The following EPHA3 variants were observed in gnomAD, a reference collection of about 807,000 sequenced individuals.
EPHA3 encodes the protein ephrin type-A receptor 3.
In EPHA3, 42 loss-of-function variants were observed where a neutral mutation model predicts 107.1. The ratio of observed to expected loss-of-function variants is 0.39; its 90% CI spans 0.31 to 0.51. The LOEUF is 0.51. Ranked by LOEUF, EPHA3 falls within the 20% of genes least tolerant of loss-of-function variation. The probability of loss-of-function intolerance (pLI) is 0.78; values close to 1 mark genes in which losing one functional copy is unlikely to be tolerated. For synonymous variants in EPHA3, 461 were observed against 424.8 expected (o/e 1.09, Z -1.05); for missense variants, 1,183 against 1,211.2 (o/e 0.98, Z 0.35).
chr3:89,260,759 A>T (rs1389644349), intron 3 of EPHA3, among the ~76,000 whole-genome samples: 1 of 152,204 alleles, frequency 6.6e-6, no homozygotes, highest in Non-Finnish European at 1.5e-5. Context: ...CTATTGACAG[A>T]ACATAATATT....
At chr3:89,362,189 A>G (rs1215054629) in intron 5 of EPHA3, among the ~76,000 whole-genome samples, 1 of 151,136 alleles carries the variant, frequency 6.6e-6, no homozygotes, top group Non-Finnish European at 1.5e-5. Context: ...ATTAATCCAG[A>G]AGATCTTCAT....
intron 5 of EPHA3, among the ~76,000 whole-genome samples, chr3:89,357,954 T>C (rs1446477548): frequency 6.6e-6 from 1 of 151,294 alleles, no homozygotes; most frequent in African/African-American, 2.4e-5. Context: ...ATGTCCTTAT[T>C]AAAATCCTAA....
intron 5 of EPHA3, among the ~76,000 whole-genome samples, chr3:89,353,245 A>G (rs1483619565): frequency 6.6e-6 from 1 of 151,358 alleles, no homozygotes; most frequent in Non-Finnish European, 1.5e-5. Context: ...CTTGGAAGTA[A>G]ATTAAACACC....
chr3:89,118,870 T>C (rs1372425438), intron 1 of EPHA3, among the ~76,000 whole-genome samples: 1 of 151,992 alleles, frequency 6.6e-6, no homozygotes, highest in Admixed American at 6.5e-5. Context: ...AAAATTGTTA[T>C]AACATAGATA....
chr3:89,238,004 T>C (rs1334591761), intron 3 of EPHA3, among the ~76,000 whole-genome samples: 1 of 150,092 alleles, frequency 6.7e-6, no homozygotes, highest in African/African-American at 2.4e-5. Context: ...AAAGAGGATA[T>C]GACTTTTACA....
At chr3:89,339,249 T>C (rs1707461351) in intron 3 of EPHA3, among the ~76,000 whole-genome samples, 1 of 151,700 alleles carries the variant, frequency 6.6e-6, no homozygotes, top group East Asian at 2.0e-4. Flanking sequence ...CGCACGCCTG[T>C]AATCCCAGCT....
chr3:89,225,963 A>G (rs116768361), intron 3 of EPHA3, among the ~76,000 whole-genome samples: 202 of 152,292 alleles, frequency 1.3e-3, no homozygotes, highest in African/African-American at 4.6e-3. Context: ...ACAGGACTGC[A>G]AAGTACATAA....
chr3:89,377,557 T>G (rs536311258), intron 5 of EPHA3, among the ~76,000 whole-genome samples: 1 of 152,266 alleles, frequency 6.6e-6, no homozygotes, highest in South Asian at 2.1e-4. Context: ...CACTCTAGAA[T>G]GTAAAGGGTA....
chr3:89,393,023 A>C (rs1467788908), intron 5 of EPHA3, among the ~76,000 whole-genome samples: 9 of 152,200 alleles, frequency 5.9e-5, no homozygotes, highest in South Asian at 2.1e-4. Flanking sequence ...ATTCCTATTA[A>C]TTATTTATTA....
chr3:89,427,495 T>C (rs1709483080), intron 11 of EPHA3, among the ~76,000 whole-genome samples: 1 of 151,930 alleles, frequency 6.6e-6, no homozygotes, highest in South Asian at 2.1e-4. Context: ...GTTATTTGCT[T>C]ATGAGTTTTC....
In EPHA3 at chr3:89,184,110, G is replaced by A. The variant is rs935268052; in HGVS notation, c.154-25750G>A. On this transcript the variant is annotated intron_variant, in intron 2 of 16. Coordinates refer to ENST00000336596, the MANE Select transcript of EPHA3 (RefSeq NM_005233.6). Reference sequence around the variant, plus strand: ...TGTTGGTATTCTTCAAATGTTTCAGGGACCAAATAGTTATAGAGATCACTG... The same window carrying A: ...TGTTGGTATTCTTCAAATGTTTCAGAGACCAAATAGTTATAGAGATCACTG... Among the ~76,000 whole-genome samples, 10 of 151,834 alleles carry A rather than the reference G, an allele frequency of 6.6e-5. No homozygotes were observed. In the South Asian group the frequency reaches 8.3e-4, roughly 13 times the overall value.
At position 89,347,663 on chromosome 3, in the gene EPHA3, T is replaced by G. The variant is rs905496822; in HGVS notation, c.1306+5573T>G. ...CTTCCAACACTATGTTGAATAAGAG[T>G]GGTGAGAGAGGGCATCCCTGTCTTG... is the stretch of plus-strand genomic sequence containing the variant. On this transcript the variant is annotated intron_variant, in intron 5 of 16. Transcript: ENST00000336596. Among the ~76,000 whole-genome samples, 7 of 150,478 alleles carry G rather than the reference T, an allele frequency of 4.7e-5. No individual in the cohort carries two copies. The East Asian group carries it at 1.4e-3, about 29-fold the overall frequency.
intron 7 of EPHA3, among the ~76,000 whole-genome samples, chr3:89,405,973 T>G (rs963344542): frequency 5.3e-5 from 8 of 152,110 alleles, no homozygotes; most frequent in African/African-American, 1.7e-4. Flanking sequence ...AGAGCCAAAA[T>G]TTTCCTATGC....
chr3:89,383,332 C>T (rs922361222), intron 5 of EPHA3, among the ~76,000 whole-genome samples: 4 of 152,184 alleles, frequency 2.6e-5, no homozygotes, highest in East Asian at 1.9e-4. Flanking sequence ...AATAGCCTTT[C>T]CGAATAGTTT....
intron 3 of EPHA3, among the ~76,000 whole-genome samples, chr3:89,301,785 A>T (rs1176040945): frequency 6.6e-6 from 1 of 152,112 alleles, no homozygotes; most frequent in Admixed American, 6.6e-5. Context: ...GCTCCACAGA[A>T]TAGAACCTGC....
intron 15 of EPHA3, among the ~76,000 whole-genome samples, chr3:89,470,063 G>C (rs1710369369): frequency 6.6e-6 from 1 of 151,244 alleles, no homozygotes; most frequent in Non-Finnish European, 1.5e-5. Flanking sequence ...ATTAAATAAA[G>C]ATTAAATTAT....
chr3:89,259,487 T>C (rs1158735501), intron 3 of EPHA3, among the ~76,000 whole-genome samples: 1 of 152,252 alleles, frequency 6.6e-6, no homozygotes, highest in Admixed American at 6.5e-5. Context: ...TTGAAATGTC[T>C]GCACTGGAAG....
chr3:89,409,443 AT>A (rs199565162), intron 9 of EPHA3, among the ~76,000 whole-genome samples: 52 of 149,314 alleles, frequency 3.5e-4, no homozygotes, highest in African/African-American at 9.8e-4. Flanking sequence ...TGCTGATTTG[AT>A]TTTTTTTTTA....
At chr3:89,227,698 CTGAG>C (rs1441330915) in intron 3 of EPHA3, among the ~76,000 whole-genome samples, 4 of 151,826 alleles carry the variant, frequency 2.6e-5, no homozygotes, top group African/African-American at 7.3e-5. Flanking sequence ...TTTCAGAAGG[CTGAG>C]TATTATTATT....
Sources: gnomAD v4.1 joint callset for allele counts (sites outside exome capture counted in the v4.1 genomes callset) on GRCh38, gnomAD v4.1.1 for gene constraint, MANE v1.5 for transcripts, NCBI Gene and HGNC (gene_info 2026-07-23, HGNC 2026-07-21) for gene names.